CHRNA9: variants seen among roughly 807,000 people sequenced by gnomAD.
CHRNA9 encodes the protein cholinergic receptor nicotinic alpha 9 subunit, also known as neuronal acetylcholine receptor subunit alpha-9.
Under a neutral mutation model 36.8 loss-of-function variants are expected in CHRNA9, and 24 were observed. That is an observed-to-expected ratio of 0.65 (90% CI 0.47 to 0.92). CHRNA9 has a LOEUF of 0.92. Ranked by LOEUF, CHRNA9 falls within the 40% of genes least tolerant of loss-of-function variation. The pLI, the probability that CHRNA9 is intolerant of heterozygous loss-of-function variation, is 0.00. For missense variants in CHRNA9, 610 were observed against 601.2 expected, an observed-to-expected ratio of 1.01 and a Z score of -0.15; for synonymous variants, 231 against 231.8, an observed-to-expected ratio of 1.00 and a Z score of 0.03.
intron 3 of CHRNA9, among the ~76,000 whole-genome samples, chr4:40,338,545 T>C (rs909055392): frequency 6.6e-6 from 1 of 152,124 alleles, no homozygotes; most frequent in Non-Finnish European, 1.5e-5. Context: ...CCTATGTGAA[T>C]GAGGGGCAGC....
At chr4:40,352,249 T>C (rs1390994324) in intron 4 of CHRNA9, among the ~76,000 whole-genome samples, 1 of 152,208 alleles carries the variant, frequency 6.6e-6, no homozygotes, top group Non-Finnish European at 1.5e-5. Context: ...TAAGACATAG[T>C]CTAGCTCTGT....
At chr4:40,347,196 T>C (rs972813503) in intron 3 of CHRNA9, among the ~76,000 whole-genome samples, 1 of 152,182 alleles carries the variant, frequency 6.6e-6, no homozygotes, top group East Asian at 1.9e-4. Context: ...AAATCTGAGA[T>C]TGTAGTGTGC....
rs1402322468 is a variant in CHRNA9 at position 40,354,757 on chromosome 4, C to T, written c.*237C>T. ...GGGAAAGAGCCCTTTTATAGCCCACCGTAGTGGTGGGTGACTGGCCTCTAG... is the reference window on the plus strand; with the variant it reads ...GGGAAAGAGCCCTTTTATAGCCCACTGTAGTGGTGGGTGACTGGCCTCTAG... On this transcript the variant is annotated 3_prime_UTR_variant, in exon 5 of 5. Coordinates refer to ENST00000310169, the MANE Select transcript of CHRNA9 (RefSeq NM_017581.4). 1.4e-5 allele frequency: 6 copies of T among 429,978 alleles called. No homozygotes were observed. The highest frequency in any genetic ancestry group is 8.7e-5 in the South Asian group (2 of 23,078). 26.6% of individuals were successfully genotyped at this position (429,978 alleles called of 1,614,324 possible). A position where few individuals can be genotyped will look rare whatever the true frequency, so the allele number is the denominator to read the frequency against.
At chr4:40,347,367 A>T (rs1008034517) in intron 3 of CHRNA9, among the ~76,000 whole-genome samples, 9 of 152,220 alleles carry the variant, frequency 5.9e-5, no homozygotes, top group African/African-American at 1.9e-4. Flanking sequence ...AGAGATGTCC[A>T]CTGCAGCATT....
At chr4:40,348,403 T>C (rs954166101) in intron 3 of CHRNA9, among the ~76,000 whole-genome samples, 5 of 152,232 alleles carry the variant, frequency 3.3e-5, no homozygotes, top group African/African-American at 1.2e-4. Context: ...AACAACTTTT[T>C]TTCTCTGAGT....
In CHRNA9 at chr4:40,349,242, C is replaced by T; in HGVS notation, c.726C>T (p.Val242=). The T allele has an allele frequency of 6.2e-7, 1 of 1,614,186 alleles. No homozygotes were observed. Among genetic ancestry groups the T allele is most frequent in the South Asian group, 1.1e-5 (1 of 91,082 alleles). The change falls in exon 4 of 5, where the codon GTC becomes GTT. Residue 242 remains valine (V), a synonymous_variant. Transcript: ENST00000310169. ...LLKRRSSFYI[V]NLLIPCVLIS... The stretch of plus-strand genomic sequence containing the variant: ...AGAGGAGGTCCTCGTTCTATATCGT[C>T]AACCTCCTCATCCCATGCGTCCTCA...
intron 4 of CHRNA9, among the ~76,000 whole-genome samples, chr4:40,351,327 G>C: frequency 1.9e-5 from 1 of 52,934 alleles, no homozygotes. Flanking sequence ...GTGAGACTTC[G>C]TCTCAAAAAA....
intron 3 of CHRNA9, among the ~76,000 whole-genome samples, chr4:40,342,388 A>G (rs1379967615): frequency 1.3e-5 from 2 of 152,202 alleles, no homozygotes; most frequent in African/African-American, 4.8e-5. Context: ...TAGAGATGCC[A>G]AAAGCCCTTA....
At chr4:40,338,020 G>A (rs911279311) in intron 3 of CHRNA9, 2 of 152,070 alleles carry the variant, frequency 1.3e-5, no homozygotes, top group South Asian at 2.1e-4. Context: ...CTGAGTGTTG[G>A]GGGCTAAGAC....
rs1333955185 is a variant in CHRNA9, at chr4:40,353,978, G to A, written c.899-1G>A. ...AGTTACGGTTGTTATTTTAATTCCAGGTAAATACTACATAGCCACGATGGC... is the reference window on the plus strand; with the variant it reads ...AGTTACGGTTGTTATTTTAATTCCAAGTAAATACTACATAGCCACGATGGC... On this transcript the variant is annotated splice_acceptor_variant, in intron 4 of 4. Transcript: ENST00000310169. LOFTEE classifies it high-confidence loss of function. The A allele has an allele frequency of 6.3e-7, 1 of 1,582,480 alleles. No homozygotes were observed. Among genetic ancestry groups the A allele is most frequent in the East Asian group, 2.3e-5 (1 of 44,382 alleles).
intron 4 of CHRNA9, chr4:40,349,652 C>CCTG: frequency 2.1e-6 from 1 of 475,380 alleles, no homozygotes; most frequent in Non-Finnish European, 3.7e-6. Context: ...AGACATTATA[C>CCTG]TTTAGAGCAG....
chr4:40,353,204 A>G (rs1476873113), intron 4 of CHRNA9, among the ~76,000 whole-genome samples: 2 of 152,090 alleles, frequency 1.3e-5, no homozygotes, highest in Admixed American at 1.3e-4. Flanking sequence ...AAAAGTCTAT[A>G]CTATAGCCCG....
chr4:40,354,071 C>T lies in CHRNA9; in HGVS notation c.991C>T (p.Arg331Trp), dbSNP rs113015603. 1.4e-5 allele frequency: 22 copies of T among 1,614,092 alleles called. No individual in the cohort carries two copies. The highest frequency in any genetic ancestry group is 1.2e-4 in the African/African-American group (9 of 74,938). ...TATCCACTTCTGTGGGGCCGAGGCC[C>T]GGCCGGTGCCACACTGGGCCAGGGT... ...MNIHFCGAEA[R>W]PVPHWARVVI... The change falls in exon 5 of 5, where the codon CGG (arginine) becomes TGG (tryptophan). Residue 331 changes from arginine (R) to tryptophan (W), a missense_variant. Transcript: ENST00000310169.
At chr4:40,348,756 A>T in intron 3 of CHRNA9, 126 bp from the exon 4 acceptor site, 1 of 867,534 alleles carries the variant, frequency 1.2e-6, no homozygotes. Flanking sequence ...TCCGAGCCAC[A>T]GTGACAGGCA....
At chr4:40,347,865 T>C (rs932686928) in intron 3 of CHRNA9, 5 of 152,192 alleles carry the variant, frequency 3.3e-5, no homozygotes, top group Non-Finnish European at 5.9e-5. Context: ...ACTTCAAAAA[T>C]ATGCATCCAA....
At chr4:40,352,172 T>G (rs1394961131) in intron 4 of CHRNA9, among the ~76,000 whole-genome samples, 1 of 152,200 alleles carries the variant, frequency 6.6e-6, no homozygotes, top group East Asian at 1.9e-4. Context: ...AATTTTGACA[T>G]CTAACATTTT....
chr4:40,338,287 G>A (rs10027667), intron 3 of CHRNA9: 21,451 of 152,102 alleles, frequency 0.14, 1,562 homozygotes, highest in African/African-American at 0.16. Flanking sequence ...CATATGAATC[G>A]CCCAGGGAGT....
rs768269193 is a variant in CHRNA9, at chr4:40,335,956, C to T, written c.194C>T (p.Ser65Phe). 2.4e-5 allele frequency: 38 copies of T among 1,613,030 alleles called. No homozygotes were observed. The East Asian group carries it at 8.5e-4, about 36-fold the overall frequency. Reference sequence around the variant, plus strand: ...AATGTGACCCTGCAGATTACGCTCTCTCAGATTAAGGATATGGTGAGTAAC... The same window carrying T: ...AATGTGACCCTGCAGATTACGCTCTTTCAGATTAAGGATATGGTGAGTAAC... The part of the protein sequence containing the change: ...VLNVTLQITL[S>F]QIKDMDERNQ... Residue 65 changes from serine to phenylalanine, a missense_variant, in exon 2 of 5, where the codon TCT (serine) becomes TTT (phenylalanine). Transcript: ENST00000310169.
At chr4:40,349,458 C>T (rs747668665) in intron 4 of CHRNA9, 44 bp downstream of exon 4, 20 of 1,555,772 alleles carry the variant, frequency 1.3e-5, no homozygotes, top group Admixed American at 1.8e-5. Context: ...TTTGTAGTGC[C>T]TGGGGTCATG....
Sources: allele counts gnomAD v4.1 joint callset (sites outside exome capture counted in the v4.1 genomes callset), GRCh38; gene constraint gnomAD v4.1.1; transcripts MANE v1.5; gene names NCBI Gene and HGNC (gene_info 2026-07-23, HGNC 2026-07-21).